Variants in NT5M observed in about 807,000 individuals in gnomAD.
The protein encoded by NT5M is 5',3'-nucleotidase, mitochondrial, also known as 5'(3')-deoxyribonucleotidase, mitochondrial.
Under a neutral mutation model 22.2 loss-of-function variants are expected in NT5M, and 22 were observed. The ratio of observed to expected loss-of-function variants is 0.99; its 90% CI spans 0.71 to 1.41. NT5M has a LOEUF of 1.41. NT5M is among the 40% of genes most tolerant of loss of function. The pLI, the probability that NT5M is intolerant of heterozygous loss-of-function variation, is 0.00. For missense variants in NT5M, 322 were observed against 314.8 expected, an observed-to-expected ratio of 1.02 and a Z score of -0.17; for synonymous variants, 167 against 133.0, an observed-to-expected ratio of 1.26 and a Z score of -1.76.
intron 2 of NT5M, among the ~76,000 whole-genome samples, chr17:17,322,769 G>A (rs1001925884): frequency 2.6e-5 from 4 of 152,122 alleles, no homozygotes; most frequent in Non-Finnish European, 1.5e-5. Flanking sequence ...CTCCTCACGC[G>A]GAGCCAAGCC....
chr17:17,336,861 G>A (rs939471569), intron 3 of NT5M, among the ~76,000 whole-genome samples: 9 of 152,128 alleles, frequency 5.9e-5, no homozygotes, highest in African/African-American at 1.9e-4. Context: ...ACTTGATTGT[G>A]TATATTTACC....
intron 3 of NT5M, among the ~76,000 whole-genome samples, chr17:17,332,620 C>A (rs925014123): frequency 6.6e-6 from 1 of 152,170 alleles, no homozygotes; most frequent in South Asian, 2.1e-4. Flanking sequence ...ATTTTCTCCC[C>A]AGAGCTTTCA....
chr17:17,323,800 C>A (rs1370261877), intron 3 of NT5M, among the ~76,000 whole-genome samples: 1 of 152,138 alleles, frequency 6.6e-6, no homozygotes, highest in Non-Finnish European at 1.5e-5. Flanking sequence ...CAGTCCAGAG[C>A]CCCTCCTGCT....
intron 2 of NT5M, among the ~76,000 whole-genome samples, chr17:17,317,496 G>A (rs11078383): frequency 0.45 from 68,939 of 152,086 alleles, 16,951 homozygotes; most frequent in East Asian, 0.79. Flanking sequence ...AGCTGGGTGA[G>A]TGGCGCTCAC....
rs1050468418 is a variant in NT5M, at chr17:17,347,151, A to G, written c.*204A>G. On this transcript the variant is annotated 3_prime_UTR_variant, in exon 5 of 5. Coordinates refer to ENST00000389022, the MANE Select transcript of NT5M (RefSeq NM_020201.4). ...GGCTGGGCCCTCTGGGCGCTTGGAC[A>G]TAGACACGTGGTCCCAGGCCGTTCA... 33 of 665,382 alleles carry G rather than the reference A, an allele frequency of 5.0e-5. No homozygotes were observed. Among genetic ancestry groups the G allele is most frequent in the Non-Finnish European group, 6.7e-5 (27 of 403,004 alleles). The allele number at this position is 665,382 out of a possible 1,614,324, so 41.2% of individuals were successfully genotyped here. A position where few individuals can be genotyped will look rare whatever the true frequency, so the allele number is the denominator to read the frequency against.
At chr17:17,346,589 T>C (rs2142393404) in intron 4 of NT5M, among the ~76,000 whole-genome samples, 1 of 152,330 alleles carries the variant, frequency 6.6e-6, no homozygotes, top group South Asian at 2.1e-4. Context: ...CAGTCCCTGT[T>C]GACTGAGCAC....
intron 2 of NT5M, among the ~76,000 whole-genome samples, chr17:17,318,480 CAA>C (rs71355545): frequency 7.1e-5 from 3 of 42,110 alleles, no homozygotes; most frequent in Admixed American, 3.4e-4. Flanking sequence ...GACTCTGTCT[CAA>C]AAAAAAAAAA....
At chr17:17,307,754 G>A (rs1225728502) in intron 2 of NT5M, among the ~76,000 whole-genome samples, 2 of 152,224 alleles carry the variant, frequency 1.3e-5, no homozygotes, top group Non-Finnish European at 2.9e-5. Context: ...TACTTGGGAG[G>A]CTGAGGCAGG....
intron 2 of NT5M, among the ~76,000 whole-genome samples, chr17:17,307,858 CA>C (rs111683820): frequency 8.2e-4 from 116 of 140,678 alleles, no homozygotes; most frequent in East Asian, 6.2e-4. Context: ...ATTCTGCCTC[CA>C]AAAAAAAAAA....
chr17:17,318,722 T>G (rs1597763439), intron 2 of NT5M, among the ~76,000 whole-genome samples: 3 of 134,360 alleles, frequency 2.2e-5, no homozygotes, highest in African/African-American at 5.8e-5. Flanking sequence ...GGAGCGGAGG[T>G]TGCAGTGAGC....
intron 4 of NT5M, chr17:17,345,179 C>T: frequency 8.6e-7 from 1 of 1,163,222 alleles, no homozygotes; most frequent in Non-Finnish European, 1.1e-6. Context: ...CCTTGTCTTC[C>T]TCATGTAACA....
chr17:17,305,171 C>T (rs564266503), intron 1 of NT5M, among the ~76,000 whole-genome samples: 20 of 152,216 alleles, frequency 1.3e-4, no homozygotes, highest in South Asian at 2.1e-4. Context: ...CCCCCAACTC[C>T]GAAAAGTGCA....
intron 2 of NT5M, 26 bp downstream of exon 2, chr17:17,306,669 G>C: frequency 6.5e-7 from 1 of 1,539,276 alleles, no homozygotes; most frequent in South Asian, 1.1e-5. Flanking sequence ...CAGCCACTCA[G>C]TAAGTTTGTC....
intron 3 of NT5M, among the ~76,000 whole-genome samples, chr17:17,324,513 AAG>A (rs1471219792): frequency 2.7e-5 from 4 of 150,432 alleles, no homozygotes; most frequent in African/African-American, 9.8e-5. Flanking sequence ...AAAAAAAAAA[AAG>A]AAATTCACAC....
chr17:17,339,739 G>C (rs2049599226), intron 3 of NT5M, among the ~76,000 whole-genome samples: 1 of 152,068 alleles, frequency 6.6e-6, no homozygotes, highest in Admixed American at 6.6e-5. Context: ...ATAATCATAT[G>C]TTTTTTGTCC....
At chr17:17,333,179 G>A (rs532860362) in intron 3 of NT5M, among the ~76,000 whole-genome samples, 31 of 152,250 alleles carry the variant, frequency 2.0e-4, no homozygotes, top group African/African-American at 6.7e-4. Context: ...CTTTTGCCTC[G>A]TTTCTCATTG....
intron 3 of NT5M, among the ~76,000 whole-genome samples, chr17:17,339,894 A>T (rs1379855176): frequency 2.0e-5 from 3 of 152,082 alleles, no homozygotes; most frequent in Non-Finnish European, 4.4e-5. Flanking sequence ...TTTGTTGAGG[A>T]TTTTAGGAAT....
intron 2 of NT5M, 60 bp downstream of exon 2, chr17:17,306,703 C>G (rs1438845589): frequency 1.8e-6 from 2 of 1,113,096 alleles, no homozygotes; most frequent in Non-Finnish European, 2.8e-6. Flanking sequence ...AGCCCTGTAC[C>G]TCCTTCCTGC....
At chr17:17,339,046 G>A (rs559848705) in intron 3 of NT5M, among the ~76,000 whole-genome samples, 1 of 152,114 alleles carries the variant, frequency 6.6e-6, no homozygotes, top group African/African-American at 2.4e-5. Flanking sequence ...TATTTTAATA[G>A]GGATTGCATT....
Sources: gnomAD v4.1 joint callset for allele counts (sites outside exome capture counted in the v4.1 genomes callset) on GRCh38, gnomAD v4.1.1 for gene constraint, MANE v1.5 for transcripts, NCBI Gene and HGNC (gene_info 2026-07-23, HGNC 2026-07-21) for gene names.